AHCTF1: variants seen among roughly 807,000 people sequenced by gnomAD.
AHCTF1 encodes the protein protein ELYS.
Under a neutral mutation model 248.4 loss-of-function variants are expected in AHCTF1, and 24 were observed. That is an observed-to-expected ratio of 0.10 (90% CI 0.07 to 0.14). The LOEUF (loss-of-function observed/expected upper bound fraction) is 0.14, where lower values mean the gene tolerates loss of function less well. AHCTF1 is among the 10% of genes least tolerant of loss of function. The pLI is 1.00. For synonymous variants in AHCTF1, 786 were observed against 929.8 expected, an observed-to-expected ratio of 0.85 and a Z score of 2.81; for missense variants, 2,206 against 2,636.2, an observed-to-expected ratio of 0.84 and a Z score of 3.57.
At chr1:246,864,702 C>T (rs1226267683) in intron 26 of AHCTF1, among the ~76,000 whole-genome samples, 1 of 70,284 alleles carries the variant, frequency 1.4e-5, no homozygotes, top group Non-Finnish European at 2.2e-5. Context: ...TAGCCGGGCG[C>T]GGTGGCGGGC....
At chr1:246,883,809 T>TA in intron 21 of AHCTF1, among the ~76,000 whole-genome samples, 1 of 152,264 alleles carries the variant, frequency 6.6e-6, no homozygotes, top group East Asian at 1.9e-4. Flanking sequence ...TTTTCCAACT[T>TA]AAGAGAAATA....
At chr1:246,900,564 C>G in intron 8 of AHCTF1, 95 bp from the exon 9 acceptor site, 2 of 1,313,638 alleles carry the variant, frequency 1.5e-6, no homozygotes, top group Non-Finnish European at 2.1e-6. Flanking sequence ...ATAAATTAAG[C>G]GGTTTAATTC....
At position 246,850,074 on chromosome 1, in the gene AHCTF1, T is replaced by C. The variant is rs1223750838; in HGVS notation, c.5932A>G (p.Arg1978Gly). Residue 1978 changes from arginine to glycine, a missense_variant, in exon 33 of 36, where the codon AGA (arginine) becomes GGA (glycine). Coordinates refer to ENST00000648844, the MANE Select transcript of AHCTF1 (RefSeq NM_001323342.2). ...ACATCTTCAGATGGATTGATTTTTCTTGGTCTACCACGTTTTCTAGGTATG... is the reference window on the plus strand; with the variant it reads ...ACATCTTCAGATGGATTGATTTTTCCTGGTCTACCACGTTTTCTAGGTATG... ...SAIPRKRGRP[R>G]KINPSEDVGS... The C allele has an allele frequency of 6.2e-7, 1 of 1,613,974 alleles. No individual in the cohort carries two copies. The highest frequency in any genetic ancestry group is 2.2e-5 in the East Asian group (1 of 44,862).
intron 3 of AHCTF1, among the ~76,000 whole-genome samples, chr1:246,913,695 A>T (rs1665959341): frequency 6.6e-6 from 1 of 152,186 alleles, no homozygotes; most frequent in Non-Finnish European, 1.5e-5. Context: ...TTCAATGTTC[A>T]TGACAATGCT....
chr1:246,856,302 A>G (rs1219883895), intron 30 of AHCTF1, among the ~76,000 whole-genome samples: 1 of 152,248 alleles, frequency 6.6e-6, no homozygotes, highest in Non-Finnish European at 1.5e-5. Flanking sequence ...AAATCCTGGA[A>G]TATGATGACA....
intron 1 of AHCTF1, among the ~76,000 whole-genome samples, chr1:246,923,432 C>A (rs1292108539): frequency 6.8e-6 from 1 of 148,032 alleles, no homozygotes; most frequent in East Asian, 1.9e-4. Flanking sequence ...TAAATAAATA[C>A]ATAAATAAAT....
At chr1:246,886,248 T>C (rs1340517541) in intron 20 of AHCTF1, among the ~76,000 whole-genome samples, 1 of 152,090 alleles carries the variant, frequency 6.6e-6, no homozygotes, top group Admixed American at 6.5e-5. Context: ...GGAGAATTGC[T>C]TGAACCCAGG....
At chr1:246,930,017 A>G (rs1035578095) in intron 1 of AHCTF1, among the ~76,000 whole-genome samples, 2 of 151,344 alleles carry the variant, frequency 1.3e-5, no homozygotes, top group African/African-American at 4.9e-5. Flanking sequence ...GTGCCACTGC[A>G]CTCCAGCCTG....
intron 24 of AHCTF1, among the ~76,000 whole-genome samples, chr1:246,870,051 G>C (rs1312706044): frequency 7.3e-6 from 1 of 137,776 alleles, no homozygotes; most frequent in Non-Finnish European, 1.5e-5. Flanking sequence ...TTTGTAAGAA[G>C]GTGATTCCAT....
At chr1:246,881,145 G>A (rs1033250506) in intron 21 of AHCTF1, among the ~76,000 whole-genome samples, 1 of 151,902 alleles carries the variant, frequency 6.6e-6, no homozygotes, top group African/African-American at 2.4e-5. Flanking sequence ...AAAAGACTGG[G>A]GAAATATACA....
At chr1:246,852,852 A>C (rs1337363509) in intron 32 of AHCTF1, among the ~76,000 whole-genome samples, 1 of 152,094 alleles carries the variant, frequency 6.6e-6, no homozygotes, top group Non-Finnish European at 1.5e-5. Context: ...CAAACTCCCA[A>C]GTAGCTGGGA....
chr1:246,869,058 A>C (rs572742989), intron 24 of AHCTF1, among the ~76,000 whole-genome samples: 12 of 150,782 alleles, frequency 8.0e-5, no homozygotes, highest in South Asian at 4.2e-4. Flanking sequence ...GTTGGCCAGG[A>C]TGGTCTCGAT....
chr1:246,907,505 CA>C, intron 5 of AHCTF1, 45 bp downstream of exon 5: 3 of 1,550,422 alleles, frequency 1.9e-6, no homozygotes, highest in Non-Finnish European at 2.6e-6. Flanking sequence ...AAGCTATATG[CA>C]AAAAAACTAC....
chr1:246,867,203 T>C (rs565323960), intron 26 of AHCTF1, 41 bp downstream of exon 26: 2 of 1,075,534 alleles, frequency 1.9e-6, no homozygotes, highest in East Asian at 5.1e-5. Context: ...GTAACTATCA[T>C]CTAACATTGT....
At position 246,909,644 on chromosome 1, in the gene AHCTF1, CA is replaced by C. The variant is rs1358987159; in HGVS notation, c.557-1887del. On this transcript the variant is annotated intron_variant, in intron 4 of 35. Transcript: ENST00000648844. Reference sequence around the variant, plus strand: ...GGTCATGCTGGCAATTCAGATATGCCAAAGAGAAGCTGTAAAGTGCTTCCTT... The same window carrying C: ...GGTCATGCTGGCAATTCAGATATGCCAAGAGAAGCTGTAAAGTGCTTCCTT... 2.0e-5 allele frequency among the ~76,000 whole-genome samples: 3 copies of C among 152,070 alleles called. No individual in the cohort carries two copies. The East Asian group carries it at 5.8e-4, about 29-fold the overall frequency.
chr1:246,901,010 A>C (rs887893146), intron 8 of AHCTF1, among the ~76,000 whole-genome samples: 2 of 152,176 alleles, frequency 1.3e-5, no homozygotes, highest in African/African-American at 2.4e-5. Context: ...TAAAAATCTG[A>C]AACACTACTA....
intron 1 of AHCTF1, among the ~76,000 whole-genome samples, chr1:246,925,400 T>C (rs1419216484): frequency 2.0e-5 from 3 of 152,204 alleles, no homozygotes; most frequent in Non-Finnish European, 2.9e-5. Flanking sequence ...TTTTGTTATG[T>C]TGTTTGAATG....
chr1:246,869,967 G>C (rs1662457015), intron 24 of AHCTF1, among the ~76,000 whole-genome samples: 2 of 152,166 alleles, frequency 1.3e-5, no homozygotes, highest in African/African-American at 4.8e-5. Context: ...TTCTGGAAAG[G>C]ATTCACCATT....
chr1:246,904,668 A>G (rs1046871208), intron 6 of AHCTF1, among the ~76,000 whole-genome samples: 1 of 152,206 alleles, frequency 6.6e-6, no homozygotes. Flanking sequence ...CACAAAGTGA[A>G]GATACTAAAT....
Sources: allele counts gnomAD v4.1 joint callset (sites outside exome capture counted in the v4.1 genomes callset), GRCh38; gene constraint gnomAD v4.1.1; transcripts MANE v1.5; gene names NCBI Gene and HGNC (gene_info 2026-07-23, HGNC 2026-07-21).